Variants in ANGPT2 observed in about 807,000 individuals in gnomAD.
ANGPT2 encodes angiopoietin 2, also known as angiopoietin-2.
Under a neutral mutation model 62.9 loss-of-function variants are expected in ANGPT2, and 28 were observed. That is an observed-to-expected ratio of 0.44 (90% CI 0.33 to 0.61). The LOEUF is 0.61. ANGPT2 is among the 20% of genes least tolerant of loss of function. The pLI, the probability that ANGPT2 is intolerant of heterozygous loss-of-function variation, is 0.03. For missense variants in ANGPT2, 727 were observed against 594.9 expected, an observed-to-expected ratio of 1.22 and a Z score of -2.31; for synonymous variants, 284 against 207.8, an observed-to-expected ratio of 1.37 and a Z score of -3.15.
rs1303988373 is a variant in ANGPT2, at chr8:6,555,619, G to A, written c.288+7028C>T. Among the ~76,000 whole-genome samples the A allele has an allele frequency of 3.3e-5, 5 of 151,824 alleles. No individual in the cohort carries two copies. The South Asian group carries it at 6.2e-4, about 19-fold the overall frequency. The stretch of plus-strand genomic sequence containing the variant: ...TGAGACTACAGGCATGTACCACCAC[G>A]CCTGGGTGATTTTTATATTTTTTGG... On this transcript the variant is annotated intron_variant, in intron 1 of 8. Transcript: ENST00000629816.
rs1393374956 is a variant in ANGPT2 at position 6,527,570 on chromosome 8, A to T, written c.551T>A (p.Leu184Ter). 6.2e-7 allele frequency: 1 copy of T among 1,613,682 alleles called. No homozygotes were observed. Among genetic ancestry groups the T allele is most frequent in the Non-Finnish European group, 8.5e-7 (1 of 1,179,926 alleles). Residue 184 changes from leucine to a stop codon, truncating the protein, a stop_gained, in exon 3 of 9, where the codon TTG (leucine) becomes TAG (stop). Coordinates refer to ENST00000629816, the MANE Select transcript of ANGPT2 (RefSeq NM_001118887.2). LOFTEE classifies it high-confidence loss of function. ...ILDQTSEINK[L>*]QDKNSFLEKK... ...CTGTTATTACCTGTTCTTATCTTGC[A>T]ATTTGTTTATTTCACTGGTCTGGTC...
At chr8:6,552,750 G>A (rs1823874981) in intron 1 of ANGPT2, among the ~76,000 whole-genome samples, 1 of 151,812 alleles carries the variant, frequency 6.6e-6, no homozygotes. Flanking sequence ...AAGATACACA[G>A]TGATTGTTTC....
intron 8 of ANGPT2, among the ~76,000 whole-genome samples, chr8:6,504,143 C>A (rs1812760374): frequency 6.6e-6 from 1 of 151,790 alleles, no homozygotes; most frequent in African/African-American, 2.4e-5. Context: ...ACGGTGAAAC[C>A]CCGTCTCTAC....
intron 7 of ANGPT2, among the ~76,000 whole-genome samples, chr8:6,512,348 C>G (rs1276808920): frequency 6.6e-6 from 1 of 152,176 alleles, no homozygotes; most frequent in East Asian, 1.9e-4. Flanking sequence ...CATTGTGTCT[C>G]CTTTCAGACT....
intron 1 of ANGPT2, 90 bp downstream of exon 1, chr8:6,562,557 T>TTTTTTTTTTTTTC (rs1825716559): frequency 5.5e-6 from 1 of 183,370 alleles, no homozygotes; most frequent in African/African-American, 2.5e-5. Context: ...TCCTTCTTTT[T>TTTTTTTTTTTTTC]TTTTTTTTTT....
rs752640178 is a variant in ANGPT2, at chr8:6,562,954, C to A, written c.-20G>T. 9 of 1,562,106 alleles carry A rather than the reference C, an allele frequency of 5.8e-6. No individual in the cohort carries two copies. The Admixed American group carries it at 1.2e-4, about 21-fold the overall frequency. ...CCACATTCTTTCTTCAGTAATAAACCAGCAGCTTAGCAAACTTGAGGGCAA... is the reference window on the plus strand; with the variant it reads ...CCACATTCTTTCTTCAGTAATAAACAAGCAGCTTAGCAAACTTGAGGGCAA... On this transcript the variant is annotated 5_prime_UTR_variant, in exon 1 of 9. Transcript: ENST00000629816.
chr8:6,537,235 G>A (rs1053054971), intron 1 of ANGPT2, among the ~76,000 whole-genome samples: 18 of 152,212 alleles, frequency 1.2e-4, no homozygotes, highest in African/African-American at 3.4e-4. Context: ...TTCCATGAGC[G>A]TGATCTGTAG....
intron 1 of ANGPT2, among the ~76,000 whole-genome samples, chr8:6,551,407 A>G (rs1273024595): frequency 6.6e-6 from 1 of 152,262 alleles, no homozygotes; most frequent in Middle Eastern, 3.2e-3. Flanking sequence ...TATATGTATT[A>G]AAAGTTGTCC....
intron 8 of ANGPT2, among the ~76,000 whole-genome samples, chr8:6,505,513 AATATATATTCTTTATAT>A (rs1563307643): frequency 0.019 from 54 of 2,836 alleles, 1 homozygote; most frequent in African/African-American, 0.048. Context: ...GTATATATAG[AATATATATTCTTTATAT>A]ATGTATATAT....
chr8:6,507,371 G>T (rs979466827), intron 8 of ANGPT2, among the ~76,000 whole-genome samples: 3 of 152,082 alleles, frequency 2.0e-5, no homozygotes, highest in Non-Finnish European at 4.4e-5. Flanking sequence ...ATTAAACCCT[G>T]CCAATTTTCC....
intron 7 of ANGPT2, among the ~76,000 whole-genome samples, chr8:6,509,800 C>G: frequency 6.6e-6 from 1 of 152,094 alleles, no homozygotes. Flanking sequence ...TAAATGTGCT[C>G]GGAACACTCA....
chr8:6,552,035 C>G (rs374194801), intron 1 of ANGPT2, among the ~76,000 whole-genome samples: 2 of 152,108 alleles, frequency 1.3e-5, no homozygotes, highest in African/African-American at 4.8e-5. Context: ...TCTGTTGATT[C>G]CAGAAATTAT....
In ANGPT2 at chr8:6,503,812, C is replaced by G. The variant is rs116051409; in HGVS notation, c.1328-551G>C. Reference sequence around the variant, plus strand: ...AGAGTGTGTGCTCGCTCAGCTAAAGCCAGGGCAGGAGAGGTGTCCAGCACA... The same window carrying G: ...AGAGTGTGTGCTCGCTCAGCTAAAGGCAGGGCAGGAGAGGTGTCCAGCACA... On this transcript the variant is annotated intron_variant, in intron 8 of 8. Transcript: ENST00000629816. Among the ~76,000 whole-genome samples, 1,403 of 152,246 alleles carry G rather than the reference C, an allele frequency of 9.2e-3. 23 individuals are homozygous for G. The highest frequency in any genetic ancestry group is 0.032 in the African/African-American group (1,318 of 41,532).
intron 3 of ANGPT2, among the ~76,000 whole-genome samples, chr8:6,524,808 ATGAAGATCATGGTTTCACTGAAG>A (rs1355516360): frequency 4.6e-5 from 7 of 152,218 alleles, no homozygotes; most frequent in Admixed American, 3.3e-4. Context: ...GGGAATACAT[ATGAAGATCATGGTTTCACTGAAG>A]AGAAAATGGA....
At chr8:6,558,535 C>T (rs781039837) in intron 1 of ANGPT2, among the ~76,000 whole-genome samples, 4 of 152,148 alleles carry the variant, frequency 2.6e-5, no homozygotes, top group Admixed American at 6.5e-5. Context: ...GTTTCATCTA[C>T]GGTAACTGGC....
At position 6,513,693 on chromosome 8, in the gene ANGPT2, T is replaced by A. The variant is rs1274605979; in HGVS notation, c.1181A>T (p.Glu394Val). ...ACTCACTTACCTATAATTGAGTTCT[T>A]CACTTGAGAGATAGAAATGTTCATA... ...SLYEHFYLSS[E>V]ELNYRIHLKG... The change falls in exon 7 of 9, where the codon GAA becomes GTA. Residue 394 changes from glutamate to valine, a missense_variant. Physicochemically the swap from Glu to Val is moderately radical, Grantham distance 121 (BLOSUM62 -2). Coordinates refer to ENST00000629816, the MANE Select transcript of ANGPT2 (RefSeq NM_001118887.2). 3 of 1,611,300 alleles carry A rather than the reference T, an allele frequency of 1.9e-6. No individual in the cohort carries two copies. Among genetic ancestry groups the A allele is most frequent in the Non-Finnish European group, 2.5e-6 (3 of 1,179,296 alleles).
intron 1 of ANGPT2, among the ~76,000 whole-genome samples, chr8:6,558,651 C>G (rs1351900168): frequency 6.6e-6 from 1 of 152,076 alleles, no homozygotes; most frequent in Non-Finnish European, 1.5e-5. Flanking sequence ...TATGGATTAT[C>G]TAGTGTCTCA....
intron 1 of ANGPT2, among the ~76,000 whole-genome samples, chr8:6,554,676 A>G (rs1274806185): frequency 6.6e-6 from 1 of 152,226 alleles, no homozygotes. Context: ...AAAATAATTC[A>G]CAGACATGTG....
intron 2 of ANGPT2, among the ~76,000 whole-genome samples, chr8:6,532,071 A>T (rs757408670): frequency 2.0e-4 from 30 of 152,192 alleles, no homozygotes; most frequent in Non-Finnish European, 4.0e-4. Context: ...AGTGGTTGGG[A>T]TGCGTGGCAT....
Sources: gnomAD v4.1 joint callset for allele counts (sites outside exome capture counted in the v4.1 genomes callset) on GRCh38, gnomAD v4.1.1 for gene constraint, MANE v1.5 for transcripts, NCBI Gene and HGNC (gene_info 2026-07-23, HGNC 2026-07-21) for gene names.